SPIDR: variants seen among roughly 807,000 people sequenced by gnomAD.
SPIDR encodes scaffold protein involved in DNA repair, also known as DNA repair-scaffolding protein.
In SPIDR, 93 loss-of-function variants were observed where a neutral mutation model predicts 104.6. The ratio of observed to expected loss-of-function variants is 0.89; its 90% CI spans 0.75 to 1.06. SPIDR has a LOEUF of 1.06. Ranked by LOEUF, SPIDR falls within the 50% of genes least tolerant of loss-of-function variation. The pLI is 0.00. For synonymous variants in SPIDR, 431 were observed against 416.9 expected (o/e 1.03, Z -0.41); for missense variants, 1,154 against 1,111.2 (o/e 1.04, Z -0.55).
At chr8:47,552,904 G>T (rs1190446195) in intron 8 of SPIDR, among the ~76,000 whole-genome samples, 3 of 152,130 alleles carry the variant, frequency 2.0e-5, no homozygotes, top group African/African-American at 7.2e-5. Context: ...GGTACCAGTT[G>T]TTCCTTTCCA....
chr8:47,393,653 TCTTTTCTTTTCC>T (rs2060875100), intron 5 of SPIDR, among the ~76,000 whole-genome samples: 1 of 151,234 alleles, frequency 6.6e-6, no homozygotes, highest in East Asian at 1.9e-4. Context: ...TTCTCTTTTC[TCTTTTCTTTTCC>T]CTTTCCTTTT....
chr8:47,448,380 T>G (rs1301542732), intron 8 of SPIDR, among the ~76,000 whole-genome samples: 1 of 152,234 alleles, frequency 6.6e-6, no homozygotes, highest in Non-Finnish European at 1.5e-5. Flanking sequence ...GATTTGTACA[T>G]TCATTTAAAA....
chr8:47,713,282 A>G, intron 15 of SPIDR: 1 of 676,450 alleles, frequency 1.5e-6, no homozygotes, highest in Non-Finnish European at 2.4e-6. Flanking sequence ...CCCTGTGTGG[A>G]TTGACTTGAA....
At chr8:47,512,970 G>A (rs536645915) in intron 8 of SPIDR, among the ~76,000 whole-genome samples, 5 of 152,302 alleles carry the variant, frequency 3.3e-5, no homozygotes, top group African/African-American at 1.2e-4. Flanking sequence ...AACTATGAAA[G>A]CAGCTTTCTG....
intron 7 of SPIDR, among the ~76,000 whole-genome samples, chr8:47,431,023 T>A (rs2067268057): frequency 6.6e-6 from 1 of 152,206 alleles, no homozygotes; most frequent in Non-Finnish European, 1.5e-5. Context: ...CAGCTCAGGC[T>A]GCCATCACAA....
intron 1 of SPIDR, among the ~76,000 whole-genome samples, chr8:47,272,737 C>T (rs1212147579): frequency 6.6e-6 from 1 of 152,016 alleles, no homozygotes; most frequent in African/African-American, 2.4e-5. Flanking sequence ...GTTCTTATCT[C>T]ACGATTAGGA....
chr8:47,319,609 C>T (rs1554593038), intron 5 of SPIDR, among the ~76,000 whole-genome samples: 2 of 152,210 alleles, frequency 1.3e-5, no homozygotes, highest in African/African-American at 4.8e-5. Context: ...TAGACATCTA[C>T]AGAACCCTCC....
intron 8 of SPIDR, among the ~76,000 whole-genome samples, chr8:47,502,961 T>C (rs925743119): frequency 1.3e-5 from 2 of 152,230 alleles, no homozygotes; most frequent in Non-Finnish European, 1.5e-5. Flanking sequence ...GTGAGTTTCT[T>C]AATCCTGAGT....
intron 5 of SPIDR, among the ~76,000 whole-genome samples, chr8:47,329,773 C>G (rs2048346725): frequency 6.6e-6 from 1 of 152,142 alleles, no homozygotes; most frequent in South Asian, 2.1e-4. Context: ...GATGACCCTT[C>G]TTATTTACCA....
chr8:47,437,694 A>G (rs527926732), intron 7 of SPIDR, among the ~76,000 whole-genome samples: 2 of 152,162 alleles, frequency 1.3e-5, no homozygotes, highest in South Asian at 4.2e-4. Flanking sequence ...ATGAGATACC[A>G]TCTCACACCA....
chr8:47,292,160 A>G (rs2040025706), intron 4 of SPIDR, among the ~76,000 whole-genome samples: 1 of 152,182 alleles, frequency 6.6e-6, no homozygotes, highest in African/African-American at 2.4e-5. Context: ...AAAATATACA[A>G]ATCATCTATA....
intron 11 of SPIDR, among the ~76,000 whole-genome samples, chr8:47,688,889 A>G (rs1294514665): frequency 6.6e-6 from 1 of 152,052 alleles, no homozygotes; most frequent in African/African-American, 2.4e-5. Flanking sequence ...TTTTTTTCAA[A>G]CTGGTAGATC....
chr8:47,624,453 T>C (rs1177822601), intron 10 of SPIDR, among the ~76,000 whole-genome samples: 3 of 152,064 alleles, frequency 2.0e-5, no homozygotes, highest in Middle Eastern at 3.4e-3. Flanking sequence ...CAGGACCTGG[T>C]TTTTTGAAAA....
At chr8:47,579,396 T>C (rs929885613) in intron 8 of SPIDR, among the ~76,000 whole-genome samples, 4 of 152,234 alleles carry the variant, frequency 2.6e-5, no homozygotes, top group Non-Finnish European at 5.9e-5. Context: ...ATTTTCTGCA[T>C]TGATGGAAAT....
chr8:47,530,414 A>AG (rs1261131655), intron 8 of SPIDR, among the ~76,000 whole-genome samples: 1 of 152,210 alleles, frequency 6.6e-6, no homozygotes, highest in East Asian at 1.9e-4. Context: ...TGTGCACTCC[A>AG]GCCTGGGTGA....
At chr8:47,520,822 T>C (rs1312441480) in intron 8 of SPIDR, among the ~76,000 whole-genome samples, 1 of 152,130 alleles carries the variant, frequency 6.6e-6, no homozygotes, top group Non-Finnish European at 1.5e-5. Flanking sequence ...CATCCTATGA[T>C]CTGTAGATGA....
intron 7 of SPIDR, among the ~76,000 whole-genome samples, chr8:47,408,502 G>T (rs2063060333): frequency 6.6e-6 from 1 of 152,070 alleles, no homozygotes. Context: ...CTCTAGGACT[G>T]GTTTAGCTTA....
At chr8:47,660,533 T>G in intron 10 of SPIDR, 1 of 985,332 alleles carries the variant, frequency 1.0e-6, no homozygotes, top group Non-Finnish European at 1.2e-6. Flanking sequence ...GCTGCTACCC[T>G]GTTCCCCTGG....
chr8:47,444,052 A>G (rs1554699435), intron 8 of SPIDR, among the ~76,000 whole-genome samples: 1 of 152,220 alleles, frequency 6.6e-6, no homozygotes, highest in Non-Finnish European at 1.5e-5. Context: ...TAATCTATAT[A>G]ATTTCAGACA....
Sources: allele counts gnomAD v4.1 joint callset (sites outside exome capture counted in the v4.1 genomes callset), GRCh38; gene constraint gnomAD v4.1.1; transcripts MANE v1.5; gene names NCBI Gene and HGNC (gene_info 2026-07-23, HGNC 2026-07-21).